DOCK7: variants seen among roughly 807,000 people sequenced by gnomAD.
DOCK7 encodes the protein dedicator of cytokinesis protein 7.
DOCK7 carries 138 observed loss-of-function variants against 271.0 expected under a neutral mutation model. That is an observed-to-expected ratio of 0.51 (90% CI 0.44 to 0.59). DOCK7 has a LOEUF of 0.59. DOCK7 is among the 20% of genes least tolerant of loss of function. DOCK7 has a pLI of 0.00. For missense variants in DOCK7, 2,066 were observed against 2,592.4 expected (o/e 0.80, Z 4.41); for synonymous variants, 823 against 876.1 (o/e 0.94, Z 1.07).
At chr1:62,484,460 G>A (rs887005803) in intron 43 of DOCK7, 20 of 151,988 alleles carry the variant, frequency 1.3e-4, no homozygotes, top group African/African-American at 4.4e-4. Flanking sequence ...ATACAAATTC[G>A]TCACTATTTG....
chr1:62,648,515 G>C lies in DOCK7; in HGVS notation c.419C>G (p.Pro140Arg). Reference protein sequence around the residue: ...KYHKLGTGFNPNTLDKQKERQ... With the variant: ...KYHKLGTGFNRNTLDKQKERQ... ...TTCTTTCTGTTTATCTAATGTATTG[G>C]GATTAAATCCTGTTCCCAATTTATG... The change falls in exon 5 of 50, where the codon CCC becomes CGC. Residue 140 changes from proline (P) to arginine (R), a missense_variant. This residue lies in a region of DOCK7 where 1,414 missense variants were observed against 1,670.4 expected (regional missense o/e 0.85). Coordinates refer to ENST00000635253, the MANE Select transcript of DOCK7 (RefSeq NM_001367561.1). 7.0e-7 allele frequency: 1 copy of C among 1,427,254 alleles called. No homozygotes were observed. Among genetic ancestry groups the C allele is most frequent in the Non-Finnish European group, 9.4e-7 (1 of 1,065,266 alleles). 88.4% of individuals were successfully genotyped at this position (1,427,254 alleles called of 1,614,324 possible).
chr1:62,636,255 T>G (rs1036702534), intron 8 of DOCK7, among the ~76,000 whole-genome samples: 4 of 152,218 alleles, frequency 2.6e-5, no homozygotes, highest in African/African-American at 9.6e-5. Context: ...CCTATTGTTA[T>G]GTACTGCTTG....
At position 62,558,289 on chromosome 1, in the gene DOCK7, C is replaced by T. The variant is rs183260820; in HGVS notation, c.2431+700G>A. 9.2e-5 allele frequency among the ~76,000 whole-genome samples: 14 copies of T among 152,158 alleles called. No individual in the cohort carries two copies. In the East Asian group the frequency reaches 2.7e-3, roughly 29 times the overall value. On this transcript the variant is annotated intron_variant, in intron 20 of 49. Transcript: ENST00000635253. ...CTCCTATTCATCTTTAAATACTCAACCCAGGAATTATTTCTACTTATAAAT... is the reference window on the plus strand; with the variant it reads ...CTCCTATTCATCTTTAAATACTCAATCCAGGAATTATTTCTACTTATAAAT...
At chr1:62,637,534 G>A (rs1655427963) in intron 7 of DOCK7, among the ~76,000 whole-genome samples, 1 of 152,142 alleles carries the variant, frequency 6.6e-6, no homozygotes, top group Non-Finnish European at 1.5e-5. Flanking sequence ...ACGCTGTACA[G>A]GACAGTCCCT....
intron 1 of DOCK7, among the ~76,000 whole-genome samples, chr1:62,684,963 A>T (rs142444506): frequency 4.9e-4 from 74 of 152,342 alleles, no homozygotes; most frequent in African/African-American, 1.6e-3. Flanking sequence ...GTTTCTGAAC[A>T]ATCACAAAGC....
chr1:62,455,484 A>G, intron 49 of DOCK7, 28 bp from the exon 50 acceptor site: 1 of 1,609,454 alleles, frequency 6.2e-7, no homozygotes, highest in Non-Finnish European at 8.5e-7. Flanking sequence ...GGACATAGTT[A>G]GTTAAAGAGA....
intron 34 of DOCK7, among the ~76,000 whole-genome samples, chr1:62,509,554 T>A (rs1460764998): frequency 1.3e-5 from 2 of 152,218 alleles, no homozygotes; most frequent in South Asian, 2.1e-4. Flanking sequence ...CTGGCTACTC[T>A]GTGATTTCTA....
intron 7 of DOCK7, among the ~76,000 whole-genome samples, chr1:62,643,420 C>A (rs2149665951): frequency 6.6e-6 from 1 of 152,324 alleles, no homozygotes; most frequent in Non-Finnish European, 1.5e-5. Flanking sequence ...CAATTATTTT[C>A]TCTTAACAAC....
chr1:62,679,851 A>C (rs970736686), intron 1 of DOCK7, among the ~76,000 whole-genome samples: 6 of 152,228 alleles, frequency 3.9e-5, no homozygotes, highest in African/African-American at 7.2e-5. Flanking sequence ...GACCTCTTCA[A>C]GGAGAACTAC....
In DOCK7 at chr1:62,636,617, A is replaced by T; in HGVS notation, c.819-14T>A. ...TCAATTTCAAACCTTTATGAAGAAA[A>T]AGGATAAAATAATTTAAAGATAAAC... On this transcript the variant is annotated splice_polypyrimidine_tract_variant and intron_variant, in intron 7 of 49. Coordinates refer to ENST00000635253, the MANE Select transcript of DOCK7 (RefSeq NM_001367561.1). 1 of 1,573,744 alleles carries T rather than the reference A, an allele frequency of 6.4e-7. No homozygotes were observed. Among genetic ancestry groups the T allele is most frequent in the Non-Finnish European group, 8.7e-7 (1 of 1,151,414 alleles).
chr1:62,656,563 G>A (rs1176113014), intron 2 of DOCK7, among the ~76,000 whole-genome samples: 1 of 152,112 alleles, frequency 6.6e-6, no homozygotes, highest in East Asian at 1.9e-4. Flanking sequence ...AGATGAAGTA[G>A]AAGTACTTTT....
chr1:62,634,629 G>A (rs1655030444), intron 9 of DOCK7, 144 bp downstream of exon 9: 1 of 800,652 alleles, frequency 1.2e-6, no homozygotes, highest in African/African-American at 1.7e-5. Context: ...AGCACCTACT[G>A]TGTATGTCCA....
At chr1:62,495,373 C>A (rs1488150701) in intron 39 of DOCK7, 1 of 302,250 alleles carries the variant, frequency 3.3e-6, no homozygotes, top group East Asian at 5.6e-5. Context: ...AGGCAGATCT[C>A]TTGAGCCCAG....
chr1:62,637,638 C>A (rs1482669533), intron 7 of DOCK7, among the ~76,000 whole-genome samples: 1 of 152,124 alleles, frequency 6.6e-6, no homozygotes, highest in Non-Finnish European at 1.5e-5. Flanking sequence ...GAATCGAGGA[C>A]CTTGTAGAAA....
intron 41 of DOCK7, among the ~76,000 whole-genome samples, chr1:62,489,403 C>T (rs1201707996): frequency 1.3e-5 from 2 of 152,080 alleles, no homozygotes; most frequent in African/African-American, 2.4e-5. Flanking sequence ...GAGCTGAGAC[C>T]GCGCCACTGC....
chr1:62,625,134 C>T, intron 12 of DOCK7, 125 bp downstream of exon 12: 1 of 771,810 alleles, frequency 1.3e-6, no homozygotes, highest in Non-Finnish European at 1.9e-6. Context: ...TATTTTTATT[C>T]TTAAAGTTTT....
chr1:62,588,950 C>T (rs1034659896), intron 14 of DOCK7, among the ~76,000 whole-genome samples: 6 of 152,086 alleles, frequency 3.9e-5, no homozygotes, highest in Admixed American at 3.3e-4. Flanking sequence ...CTATGTTGCC[C>T]AGGCTGGTCT....
chr1:62,618,792 C>T lies in DOCK7; in HGVS notation c.1596G>A (p.Lys532=), dbSNP rs1223372696. 6.2e-7 allele frequency: 1 copy of T among 1,613,774 alleles called. No homozygotes were observed. Among genetic ancestry groups the T allele is most frequent in the Non-Finnish European group, 8.5e-7 (1 of 1,179,698 alleles). Residue 532 remains lysine (K), a synonymous_variant, in exon 14 of 50, where the codon AAG becomes AAA. Transcript: ENST00000635253. ...YCLTPELLQV[K]LYPDSRVRPT... ...GTCTAACTCTACTGTCAGGGTAAAG[C>T]TTCACTTGAAGCAGCTCCGGAGTTA...
intron 34 of DOCK7, 30 bp downstream of exon 34, chr1:62,510,547 T>A: frequency 1.3e-6 from 2 of 1,541,858 alleles, no homozygotes; most frequent in Admixed American, 1.8e-5. Context: ...AACACACCCA[T>A]CAGTAACATA....
Sources: allele counts gnomAD v4.1 joint callset (sites outside exome capture counted in the v4.1 genomes callset), GRCh38; gene constraint gnomAD v4.1.1; regional missense constraint gnomAD v4.1.1; transcripts MANE v1.5; gene names NCBI Gene and HGNC (gene_info 2026-07-23, HGNC 2026-07-21).